Variants in ITGA2 observed in about 807,000 individuals in gnomAD.
ITGA2 encodes integrin subunit alpha 2, also known as integrin alpha-2.
In ITGA2, 101 loss-of-function variants were observed where a neutral mutation model predicts 146.3. That is an observed-to-expected ratio of 0.69 (90% CI 0.59 to 0.81). The LOEUF (loss-of-function observed/expected upper bound fraction) is 0.81. Among genes scored for constraint, ITGA2 ranks in the 40% least tolerant of loss-of-function variants. The pLI is 0.00. For missense variants in ITGA2, 1,281 were observed against 1,402.7 expected, an observed-to-expected ratio of 0.91 and a Z score of 1.39; for synonymous variants, 477 against 487.1, an observed-to-expected ratio of 0.98 and a Z score of 0.27.
intron 2 of ITGA2, among the ~76,000 whole-genome samples, chr5:53,033,951 C>G (rs1175748595): frequency 6.6e-6 from 1 of 151,864 alleles, no homozygotes; most frequent in African/African-American, 2.4e-5. Flanking sequence ...TTTTAGTAGA[C>G]ACGAGGTTTC....
rs1300429527 is a variant in ITGA2, at chr5:53,062,948, A to T, written c.1602+19A>T. ...CAAAGAGGTAAAAAAAAAAAAATAA[A>T]CTAATAGTTTAATTTGCTTTAGTAC... On this transcript the variant is annotated intron_variant, in intron 13 of 29. Transcript: ENST00000296585. 1.3e-6 allele frequency: 2 copies of T among 1,589,898 alleles called. No individual in the cohort carries two copies. The highest frequency in any genetic ancestry group is 3.4e-5 in the Admixed American group (2 of 59,422).
intron 10 of ITGA2, among the ~76,000 whole-genome samples, chr5:53,058,335 C>T (rs990893804): frequency 1.3e-5 from 2 of 151,734 alleles, no homozygotes; most frequent in African/African-American, 4.8e-5. Context: ...TGATAGTATA[C>T]CAGAAAGTCT....
intron 13 of ITGA2, among the ~76,000 whole-genome samples, chr5:53,064,381 G>T (rs961456605): frequency 6.6e-6 from 1 of 151,868 alleles, no homozygotes; most frequent in Non-Finnish European, 1.5e-5. Flanking sequence ...TATCTCCTTT[G>T]ACCTTGGTTT....
chr5:53,082,862 A>T (rs1174865545), intron 26 of ITGA2, among the ~76,000 whole-genome samples: 1 of 152,168 alleles, frequency 6.6e-6, no homozygotes, highest in Non-Finnish European at 1.5e-5. Context: ...AGCCCTTGGA[A>T]CCACTGATCC....
intron 2 of ITGA2, among the ~76,000 whole-genome samples, chr5:53,034,215 C>G (rs1439040188): frequency 6.6e-6 from 1 of 151,966 alleles, no homozygotes; most frequent in Admixed American, 6.6e-5. Flanking sequence ...ACTTTAAATA[C>G]TTACTGTTAA....
intron 2 of ITGA2, among the ~76,000 whole-genome samples, chr5:53,029,857 A>G (rs1465173363): frequency 1.3e-5 from 2 of 152,238 alleles, no homozygotes; most frequent in Admixed American, 6.5e-5. Flanking sequence ...AAAGTGAGCT[A>G]TAGTAGACTG....
At chr5:53,066,072 C>T (rs868129398) in intron 15 of ITGA2, 95 bp downstream of exon 15, 12 of 1,148,230 alleles carry the variant, frequency 1.0e-5, no homozygotes, top group Non-Finnish European at 1.3e-5. Flanking sequence ...ATGCCACATG[C>T]ATTCTATAAG....
chr5:53,078,465 C>T (rs1745759048), intron 23 of ITGA2, among the ~76,000 whole-genome samples: 1 of 152,092 alleles, frequency 6.6e-6, no homozygotes, highest in Non-Finnish European at 1.5e-5. Flanking sequence ...GGGAAGACTT[C>T]TACTATCAAT....
intron 26 of ITGA2, 65 bp from the exon 27 acceptor site, chr5:53,083,275 T>G (rs1395597671): frequency 9.7e-7 from 1 of 1,025,804 alleles, no homozygotes; most frequent in Non-Finnish European, 1.5e-6. Context: ...CTTTAAAATT[T>G]TAGCATTTAT....
rs555084437 is a variant in ITGA2, at chr5:53,038,277, CG to C, written c.186-3832del. Among the ~76,000 whole-genome samples, 13 of 151,660 alleles carry C rather than the reference CG, an allele frequency of 8.6e-5. No homozygotes were observed. In the South Asian group the frequency reaches 2.5e-3, roughly 29 times the overall value. ...CTGTTGTTTCTCAGCAAGCCTCTCT[CG>C]GGCTGTGGTGAGGATGGTTGGAAAT... On this transcript the variant is annotated intron_variant, in intron 2 of 29. Coordinates refer to ENST00000296585, the MANE Select transcript of ITGA2 (RefSeq NM_002203.4).
chr5:53,089,948 T>C lies in ITGA2; in HGVS notation c.3351T>C (p.Ile1117=). The change falls in exon 29 of 30, where the codon ATT becomes ATC. Residue 1117 remains isoleucine (I), a splice_region_variant and synonymous_variant. Coordinates refer to ENST00000296585, the MANE Select transcript of ITGA2 (RefSeq NM_002203.4). ...CAACTGTGAACTGACATTTCCAGAT[T>C]CCCCTGATGATAATGAAACCTGATG... ...IYVIEDNTVT[I]PLMIMKPDEK... is the part of the protein sequence containing the mutation. The C allele has an allele frequency of 6.3e-7, 1 of 1,579,314 alleles. No homozygotes were observed. Among genetic ancestry groups the C allele is most frequent in the Admixed American group, 1.7e-5 (1 of 59,974 alleles).
At chr5:53,004,807 C>G (rs894493832) in intron 1 of ITGA2, among the ~76,000 whole-genome samples, 1 of 150,342 alleles carries the variant, frequency 6.7e-6, no homozygotes, top group African/African-American at 2.5e-5. Context: ...AGGACTAGAG[C>G]CATAAACCAA....
chr5:53,084,272 A>T (rs1428569331), intron 27 of ITGA2, among the ~76,000 whole-genome samples: 6 of 151,434 alleles, frequency 4.0e-5, no homozygotes, highest in South Asian at 2.1e-4. Flanking sequence ...CCTCCTGGGG[A>T]TCTTTGTAGC....
In ITGA2 at chr5:53,065,154, G is replaced by A. The variant is rs372251349; in HGVS notation, c.1806+39G>A. On this transcript the variant is annotated intron_variant, in intron 14 of 29. Transcript: ENST00000296585. Reference sequence around the variant, plus strand: ...TGTTATGGTGATGTATGTATTTGTGGGTCTTATCATATTAGACATAGAAAG... The same window carrying A: ...TGTTATGGTGATGTATGTATTTGTGAGTCTTATCATATTAGACATAGAAAG... 10 of 1,583,220 alleles carry A rather than the reference G, an allele frequency of 6.3e-6. No homozygotes were observed. The African/African-American group carries it at 1.2e-4, about 19-fold the overall frequency.
intron 26 of ITGA2, among the ~76,000 whole-genome samples, 199 bp downstream of exon 26, chr5:53,081,895 A>T (rs1325052292): frequency 6.6e-6 from 1 of 152,186 alleles, no homozygotes; most frequent in Non-Finnish European, 1.5e-5. Flanking sequence ...CGTTTGCACC[A>T]ACCTAATATG....
Position 53,072,712 on chromosome 5 carries a change from A to C in ITGA2, c.2429+17A>C. On this transcript the variant is annotated intron_variant, in intron 19 of 29. Transcript: ENST00000296585. Reference sequence around the variant, plus strand: ...AGCTGCTCAGTAAGTTTTACTTTAAAGCTTGTTGTAAAATGTAGAAATAAA... The same window carrying C: ...AGCTGCTCAGTAAGTTTTACTTTAACGCTTGTTGTAAAATGTAGAAATAAA... The C allele has an allele frequency of 6.3e-7, 1 of 1,579,542 alleles. No homozygotes were observed. The highest frequency in any genetic ancestry group is 8.7e-7 in the Non-Finnish European group (1 of 1,151,782).
chr5:53,025,963 C>A (rs1035787824), intron 1 of ITGA2, among the ~76,000 whole-genome samples: 1 of 151,464 alleles, frequency 6.6e-6, no homozygotes, highest in Non-Finnish European at 1.5e-5. Flanking sequence ...TAAGAATTTT[C>A]AAAAAAAATA....
rs376654767 is a variant in ITGA2, at chr5:52,992,233, G to A, written c.64+2701G>A. Among the ~76,000 whole-genome samples the A allele has an allele frequency of 2.5e-4, 38 of 151,508 alleles. 1 individual carries two copies. In the East Asian group the frequency reaches 5.8e-3, roughly 23 times the overall value. The stretch of plus-strand genomic sequence containing the variant: ...TTCCTGTTTTTCTCCTCCTTTCCTC[G>A]CTGCTCTCCCGTCATCTCCTTCACA... On this transcript the variant is annotated intron_variant, in intron 1 of 29. Coordinates refer to ENST00000296585, the MANE Select transcript of ITGA2 (RefSeq NM_002203.4).
intron 16 of ITGA2, among the ~76,000 whole-genome samples, chr5:53,067,789 T>A (rs917846290): frequency 3.9e-5 from 6 of 152,044 alleles, no homozygotes; most frequent in Non-Finnish European, 8.8e-5. Flanking sequence ...CTGAATTATG[T>A]CTCATCAGAT....
Sources: gnomAD v4.1 joint callset for allele counts (sites outside exome capture counted in the v4.1 genomes callset) on GRCh38, gnomAD v4.1.1 for gene constraint, MANE v1.5 for transcripts, NCBI Gene and HGNC (gene_info 2026-07-23, HGNC 2026-07-21) for gene names.